TASP1: variants seen among roughly 807,000 people sequenced by gnomAD.
TASP1 encodes taspase 1.
A neutral mutation model predicts 56.6 loss-of-function variants in TASP1; 16 were observed. That is an observed-to-expected ratio of 0.28 (90% CI 0.19 to 0.43). The LOEUF is 0.43. TASP1 is among the 20% of genes least tolerant of loss of function. The pLI is 1.00. For synonymous variants in TASP1, 179 were observed against 184.2 expected, an observed-to-expected ratio of 0.97 and a Z score of 0.23; for missense variants, 393 against 511.6, an observed-to-expected ratio of 0.77 and a Z score of 2.24.
chr20:13,252,374 G>T, the TASP1 span, among the ~76,000 whole-genome samples: 2 of 152,202 alleles, frequency 1.3e-5, no homozygotes, highest in Non-Finnish European at 1.5e-5. Flanking sequence ...AAAGTTAGGT[G>T]TTGGATGGTC....
At chr20:13,412,937 G>T (rs1248839620) in intron 13 of TASP1, among the ~76,000 whole-genome samples, 1 of 152,040 alleles carries the variant, frequency 6.6e-6, no homozygotes, top group Non-Finnish European at 1.5e-5. Context: ...TCACAGGAAA[G>T]GCTTAAGGCA....
intron 11 of TASP1, among the ~76,000 whole-genome samples, chr20:13,470,529 A>T (rs1199404389): frequency 6.6e-6 from 1 of 152,196 alleles, no homozygotes; most frequent in Admixed American, 6.5e-5. Flanking sequence ...ATGTTCTGGA[A>T]TTATACATAT....
intron 11 of TASP1, among the ~76,000 whole-genome samples, chr20:13,469,357 C>T (rs1309418016): frequency 6.6e-6 from 1 of 152,112 alleles, no homozygotes; most frequent in East Asian, 1.9e-4. Context: ...AGAAGGCTTT[C>T]TTGCAAACAG....
chr20:13,472,668 G>T (rs1210020599), intron 11 of TASP1, among the ~76,000 whole-genome samples: 5 of 150,956 alleles, frequency 3.3e-5, no homozygotes, highest in Non-Finnish European at 7.4e-5. Flanking sequence ...TCAAAAAGTG[G>T]GCAAAGAATA....
At chr20:13,625,321 C>T in intron 2 of TASP1, 69 bp from the exon 3 acceptor site, 1 of 1,316,448 alleles carries the variant, frequency 7.6e-7, no homozygotes, top group Non-Finnish European at 1.1e-6. Context: ...TATATAAATA[C>T]TCCATATAAA....
the TASP1 span, among the ~76,000 whole-genome samples, chr20:13,311,208 T>C: frequency 3.2e-5 from 4 of 125,346 alleles, no homozygotes; most frequent in South Asian, 7.8e-4. Flanking sequence ...AAAATAGATA[T>C]AGATAGATGA....
intron 6 of TASP1, among the ~76,000 whole-genome samples, chr20:13,576,741 A>G (rs533651771): frequency 6.6e-6 from 1 of 152,204 alleles, no homozygotes; most frequent in Non-Finnish European, 1.5e-5. Context: ...AAAATGTTAA[A>G]TACCTATAAT....
chr20:13,264,069 A>G, the TASP1 span, among the ~76,000 whole-genome samples: 17 of 152,320 alleles, frequency 1.1e-4, no homozygotes, highest in Non-Finnish European at 2.1e-4. Context: ...TCGTTACCCA[A>G]TGATAACTTT....
At chr20:13,159,113 A>G in the TASP1 span, among the ~76,000 whole-genome samples, 43 of 152,332 alleles carry the variant, frequency 2.8e-4, no homozygotes, top group South Asian at 8.5e-3. Flanking sequence ...AGCACAAGAT[A>G]TTTACAGCCT....
At chr20:13,198,808 T>G in the TASP1 span, among the ~76,000 whole-genome samples, 31 of 88,732 alleles carry the variant, frequency 3.5e-4, no homozygotes, top group East Asian at 6.3e-3. Context: ...CTTTCTTTCT[T>G]TCTTTCTTTC....
Position 13,587,385 on chromosome 20 carries a change from C to T in TASP1, c.283-15G>A, listed in dbSNP as rs550987585. The T allele has an allele frequency of 6.3e-7, 1 of 1,578,158 alleles. No individual in the cohort carries two copies. The highest frequency in any genetic ancestry group is 1.2e-5 in the South Asian group (1 of 85,848). ...AAAGGAGAATCCTAAAAGACAAAAACAAAAATTAAAATATCATTAGTCTTA... is the reference window on the plus strand; with the variant it reads ...AAAGGAGAATCCTAAAAGACAAAAATAAAAATTAAAATATCATTAGTCTTA... On this transcript the variant is annotated splice_polypyrimidine_tract_variant and intron_variant, in intron 4 of 13. Transcript: ENST00000337743.
the TASP1 span, among the ~76,000 whole-genome samples, chr20:13,379,128 T>C: frequency 6.6e-6 from 1 of 152,340 alleles, no homozygotes; most frequent in East Asian, 1.9e-4. Flanking sequence ...TGATGATAGC[T>C]GGTTATTTTG....
chr20:13,502,753 A>G (rs996993126), intron 10 of TASP1, among the ~76,000 whole-genome samples: 9 of 152,194 alleles, frequency 5.9e-5, no homozygotes, highest in South Asian at 4.1e-4. Flanking sequence ...TCTATCATCA[A>G]TCCCCTAAAG....
the TASP1 span, among the ~76,000 whole-genome samples, chr20:13,296,453 C>T: frequency 2.0e-5 from 3 of 152,148 alleles, no homozygotes; most frequent in African/African-American, 7.2e-5. Context: ...ATGTTATCTC[C>T]CTATTATTGC....
At chr20:13,224,868 C>T in the TASP1 span, among the ~76,000 whole-genome samples, 33 of 113,606 alleles carry the variant, frequency 2.9e-4, no homozygotes, top group Non-Finnish European at 3.9e-4. Context: ...TTTTTTGAGA[C>T]GCAGTCTTGC....
chr20:13,279,477 G>A, the TASP1 span, among the ~76,000 whole-genome samples: 1 of 152,152 alleles, frequency 6.6e-6, no homozygotes, highest in African/African-American at 2.4e-5. Flanking sequence ...GACCATCCCT[G>A]GAGGTTTTCC....
At chr20:13,417,400 T>C in intron 13 of TASP1, 48 bp downstream of exon 13, 1 of 1,605,732 alleles carries the variant, frequency 6.2e-7, no homozygotes, top group African/African-American at 1.3e-5. Flanking sequence ...TAGAGGTTTA[T>C]GCGATGGCTA....
At chr20:13,345,506 T>G in the TASP1 span, among the ~76,000 whole-genome samples, 1 of 152,160 alleles carries the variant, frequency 6.6e-6, no homozygotes, top group Non-Finnish European at 1.5e-5. Flanking sequence ...GGGGGGAAAT[T>G]GAGTTGTCTC....
the TASP1 span, chr20:13,298,929 T>C: frequency 6.2e-7 from 1 of 1,611,534 alleles, no homozygotes; most frequent in Non-Finnish European, 8.5e-7. Flanking sequence ...GGTTTCTCTT[T>C]GGCCTTTTCC....
Sources: gnomAD v4.1 joint callset for allele counts (sites outside exome capture counted in the v4.1 genomes callset) on GRCh38, gnomAD v4.1.1 for gene constraint, MANE v1.5 for transcripts, NCBI Gene and HGNC (gene_info 2026-07-23, HGNC 2026-07-21) for gene names.